The following IGLL5 variants were observed in gnomAD, a reference collection of about 807,000 sequenced individuals.
IGLL5 encodes the protein immunoglobulin lambda-like polypeptide 5.
IGLL5 carries 30 observed loss-of-function variants against 20.9 expected under a neutral mutation model. That is an observed-to-expected ratio of 1.44 (90% CI 1.07 to 1.95). The LOEUF (loss-of-function observed/expected upper bound fraction) is 1.95. IGLL5 is among the 30% of genes most tolerant of loss of function. IGLL5 has a pLI of 0.00. For synonymous variants in IGLL5, 203 were observed against 117.3 expected (o/e 1.73, Z -4.72); for missense variants, 475 against 270.7 (o/e 1.75, Z -5.30).
At position 22,895,494 on chromosome 22, in the gene IGLL5, G is replaced by A. The variant is rs199533661; in HGVS notation, c.445G>A (p.Ala149Thr). The change falls in exon 3 of 3, where the codon GCC (alanine) becomes ACC (threonine). Residue 149 changes from alanine to threonine, a missense_variant. By Grantham distance (58) the Ala-to-Thr change is moderately conservative. Transcript: ENST00000526893. ...SDFYPGAVTV[A>T]WKADGSPVKA... ...CTTCTACCCGGGAGCTGTGACAGTG[G>A]CCTGGAAGGCAGATGGCAGCCCCGT... The A allele has an allele frequency of 2.3e-4, 370 of 1,612,606 alleles. No homozygotes were observed. Among genetic ancestry groups the A allele is most frequent in the Non-Finnish European group, 2.9e-4 (341 of 1,179,604 alleles).
intron 1 of IGLL5, among the ~76,000 whole-genome samples, chr22:22,890,138 C>G (rs2067778322): frequency 1.4e-5 from 2 of 144,462 alleles, no homozygotes; most frequent in African/African-American, 5.2e-5. Context: ...AATGTAATGA[C>G]TTTTGTACAT....
chr22:22,889,508 T>C (rs140241536), intron 1 of IGLL5, among the ~76,000 whole-genome samples: 1 of 151,306 alleles, frequency 6.6e-6, no homozygotes, highest in Admixed American at 6.6e-5. Context: ...TAGCTCAGCA[T>C]TATTAGTGAT....
In IGLL5 at chr22:22,895,435, C is replaced by T. The variant is rs535101081; in HGVS notation, c.386C>T (p.Ala129Val). 3 of 1,612,958 alleles carry T rather than the reference C, an allele frequency of 1.9e-6. No homozygotes were observed. Among genetic ancestry groups the T allele is most frequent in the African/African-American group, 1.3e-5 (1 of 74,860 alleles). ...CCGCCCTCCTCTGAGGAGCTCCAAGCCAACAAGGCCACACTAGTGTGTCTG... is the reference window on the plus strand; with the variant it reads ...CCGCCCTCCTCTGAGGAGCTCCAAGTCAACAAGGCCACACTAGTGTGTCTG... ...LFPPSSEELQ[A>V]NKATLVCLIS... Residue 129 changes from alanine to valine, a missense_variant, in exon 3 of 3, where the codon GCC becomes GTC. Ala to Val is a moderately conservative substitution (Grantham distance 64). Transcript: ENST00000526893.
chr22:22,889,900 T>C (rs2067761309), intron 1 of IGLL5, among the ~76,000 whole-genome samples: 1 of 151,306 alleles, frequency 6.6e-6, no homozygotes, highest in East Asian at 2.0e-4. Flanking sequence ...CTGACCCAAC[T>C]GTGTTTTTAA....
chr22:22,890,363 A>T (rs1223208240), intron 1 of IGLL5, among the ~76,000 whole-genome samples: 3 of 146,350 alleles, frequency 2.0e-5, no homozygotes, highest in Middle Eastern at 4.1e-3. Context: ...CTGGGATTTT[A>T]TTTTGCAAAA....
chr22:22,894,308 A>C (rs567147810), intron 2 of IGLL5, among the ~76,000 whole-genome samples: 1 of 151,274 alleles, frequency 6.6e-6, no homozygotes, highest in African/African-American at 2.4e-5. Flanking sequence ...GGTGACACAG[A>C]GGTCACCCCA....
In IGLL5 at chr22:22,893,807, T is replaced by C. The variant is rs1292059595; in HGVS notation, c.314T>C (p.Val105Ala). ...TATGTCTTCGGAACTGGGACCAAGG[T>C]CACCGTCCTAGGTAAGTGGCTCTCA... ...LCYVFGTGTK[V>A]TVLGQPKANP... The change falls in exon 2 of 3, where the codon GTC (valine) becomes GCC (alanine). Residue 105 changes from valine to alanine, a missense_variant. Transcript: ENST00000526893. 2 of 1,609,138 alleles carry C rather than the reference T, an allele frequency of 1.2e-6. No homozygotes were observed. Among genetic ancestry groups the C allele is most frequent in the African/African-American group, 1.3e-5 (1 of 74,734 alleles).
At position 22,888,452 on chromosome 22, in the gene IGLL5, T is replaced by G. The variant is rs113893001; in HGVS notation, c.206+193T>G. Among the ~76,000 whole-genome samples the G allele has an allele frequency of 7.3e-5, 11 of 151,318 alleles. 1 individual carries two copies. The highest frequency in any genetic ancestry group is 6.1e-4 in the East Asian group (3 of 4,954). The stretch of plus-strand genomic sequence containing the variant: ...GTTTGAATTACTGTTTTTAATATCA[T>G]ATTACGATATTATTTTTCTTGATTT... On this transcript the variant is annotated intron_variant, in intron 1 of 2. Transcript: ENST00000526893.
intron 2 of IGLL5, among the ~76,000 whole-genome samples, chr22:22,894,286 G>C (rs570616635): frequency 6.6e-6 from 1 of 151,258 alleles, no homozygotes; most frequent in South Asian, 2.1e-4. Context: ...GCCTGGGAGG[G>C]CCACACGGCC....
rs755867422 is a variant in IGLL5, at chr22:22,888,094, A to G, written c.41A>G (p.Glu14Gly). The change falls in exon 1 of 3, where the codon GAG becomes GGG. Residue 14 changes from glutamate (E) to glycine (G), a missense_variant. Physicochemically the swap from Glu to Gly is moderately conservative, Grantham distance 98. Coordinates refer to ENST00000526893, the MANE Select transcript of IGLL5 (RefSeq NM_001178126.2). The part of the protein sequence containing the change: ...KTGQVGCETP[E>G]ELGPGPRQRW... ...GGCCAAGTGGGTTGTGAGACCCCTGAGGAGCTGGGCCCTGGTCCCAGGCAG... is the reference window on the plus strand; with the variant it reads ...GGCCAAGTGGGTTGTGAGACCCCTGGGGAGCTGGGCCCTGGTCCCAGGCAG... 6 of 1,549,392 alleles carry G rather than the reference A, an allele frequency of 3.9e-6. No homozygotes were observed. The highest frequency in any genetic ancestry group is 2.5e-5 in the East Asian group (1 of 40,668).
Position 22,888,279 on chromosome 22 carries a change from A to G in IGLL5, c.206+20A>G, listed in dbSNP as rs548441456. 5.8e-6 allele frequency: 9 copies of G among 1,545,080 alleles called. No homozygotes were observed. The highest frequency in any genetic ancestry group is 2.7e-5 in the African/African-American group (2 of 72,762). On this transcript the variant is annotated intron_variant, in intron 1 of 2. Coordinates refer to ENST00000526893, the MANE Select transcript of IGLL5 (RefSeq NM_001178126.2). ...GGGCAGGTAAGGGGCAAGAGATTCC[A>G]GGGGATGTGGGGGTCCTGCAGCAGA... is the stretch of plus-strand genomic sequence containing the variant.
rs552295669 is a variant in IGLL5 at position 22,888,228 on chromosome 22, A to G, written c.175A>G (p.Ser59Gly). ...AGACCCTGGAGCCTCAGTTGGAAGCAGCCGATCCAGCCTGCGGAGCCTGTG... is the reference window on the plus strand; with the variant it reads ...AGACCCTGGAGCCTCAGTTGGAAGCGGCCGATCCAGCCTGCGGAGCCTGTG... ...DPDPGASVGS[S>G]RSSLRSLWGR... The change falls in exon 1 of 3, where the codon AGC becomes GGC. Residue 59 changes from serine (S) to glycine (G), a missense_variant. Transcript: ENST00000526893. 6 of 1,548,082 alleles carry G rather than the reference A, an allele frequency of 3.9e-6. No homozygotes were observed. The highest frequency in any genetic ancestry group is 2.7e-5 in the African/African-American group (2 of 72,860).
At chr22:22,888,933 C>A (rs574390582) in intron 1 of IGLL5, among the ~76,000 whole-genome samples, 2 of 151,142 alleles carry the variant, frequency 1.3e-5, no homozygotes, top group East Asian at 2.0e-4. Context: ...TGATGGGTGC[C>A]CCCAAAAGAC....
At position 22,888,497 on chromosome 22, in the gene IGLL5, T is replaced by C. The variant is rs544164712; in HGVS notation, c.206+238T>C. Among the ~76,000 whole-genome samples, 9 of 151,400 alleles carry C rather than the reference T, an allele frequency of 5.9e-5. No homozygotes were observed. In the South Asian group the frequency reaches 8.4e-4, roughly 14 times the overall value. The stretch of plus-strand genomic sequence containing the variant: ...TGATTTCTGAGTTTTCTGGCGCCAC[T>C]TAAATTTTCACCAGGGTCAGTGCCT... On this transcript the variant is annotated intron_variant, in intron 1 of 2. Coordinates refer to ENST00000526893, the MANE Select transcript of IGLL5 (RefSeq NM_001178126.2).
At chr22:22,888,750 T>C (rs529169394) in intron 1 of IGLL5, among the ~76,000 whole-genome samples, 6 of 151,274 alleles carry the variant, frequency 4.0e-5, no homozygotes, top group South Asian at 2.1e-4. Flanking sequence ...AACTTGCACA[T>C]AAATGCTTAC....
At chr22:22,889,360 C>G (rs1459009768) in intron 1 of IGLL5, among the ~76,000 whole-genome samples, 3 of 151,084 alleles carry the variant, frequency 2.0e-5, no homozygotes, top group Middle Eastern at 3.7e-3. Context: ...AAATGTATAA[C>G]CATTTTAGCA....
chr22:22,895,709 C>T lies in IGLL5; in HGVS notation c.*15C>T, dbSNP rs11558629. 1.2e-6 allele frequency: 2 copies of T among 1,612,522 alleles called. No homozygotes were observed. The highest frequency in any genetic ancestry group is 8.5e-7 in the Non-Finnish European group (1 of 1,179,108). On this transcript the variant is annotated 3_prime_UTR_variant, in exon 3 of 3. Transcript: ENST00000526893. ...AATGTTCATAGGTTCCCAACTCTAA[C>T]CCCACCCACGGGAGCCTGGAGCTGC...
intron 2 of IGLL5, among the ~76,000 whole-genome samples, chr22:22,894,932 A>C (rs2066709024): frequency 6.6e-6 from 1 of 151,484 alleles, no homozygotes; most frequent in South Asian, 2.1e-4. Context: ...GCCTGCCAGG[A>C]CAGTCCTACA....
At position 22,888,123 on chromosome 22, in the gene IGLL5, T is replaced by G. The variant is rs1230733003; in HGVS notation, c.70T>G (p.Trp24Gly). ...EELGPGPRQR[W>G]PLLLLGLAMV... ...GCTGGGCCCTGGTCCCAGGCAGCGC[T>G]GGCCCCTGCTGCTGCTGGGTCTGGC... Residue 24 changes from tryptophan to glycine, a missense_variant, in exon 1 of 3, where the codon TGG becomes GGG. Coordinates refer to ENST00000526893, the MANE Select transcript of IGLL5 (RefSeq NM_001178126.2). The G allele has an allele frequency of 6.5e-7, 1 of 1,549,574 alleles. No individual in the cohort carries two copies. The highest frequency in any genetic ancestry group is 2.0e-5 in the Admixed American group (1 of 50,806).
Sources: gnomAD v4.1 joint callset for allele counts (sites outside exome capture counted in the v4.1 genomes callset) on GRCh38, gnomAD v4.1.1 for gene constraint, MANE v1.5 for transcripts, NCBI Gene and HGNC (gene_info 2026-07-23, HGNC 2026-07-21) for gene names.